The following FYTTD1 variants were observed in gnomAD, a reference collection of about 807,000 sequenced individuals.
The protein encoded by FYTTD1 is UAP56-interacting factor.
FYTTD1 carries 22 observed loss-of-function variants against 40.9 expected under a neutral mutation model. The ratio of observed to expected loss-of-function variants is 0.54; its 90% CI spans 0.38 to 0.77. The LOEUF (loss-of-function observed/expected upper bound fraction) is 0.77. FYTTD1 is among the 30% of genes least tolerant of loss of function. The probability of loss-of-function intolerance (pLI) is 0.00; values close to 1 mark genes in which losing one functional copy is unlikely to be tolerated. For synonymous variants in FYTTD1, 140 were observed against 137.9 expected, an observed-to-expected ratio of 1.01 and a Z score of -0.10; for missense variants, 351 against 392.2, an observed-to-expected ratio of 0.90 and a Z score of 0.89.
intron 4 of FYTTD1, among the ~76,000 whole-genome samples, chr3:197,771,112 T>TA (rs565693421): frequency 5.9e-4 from 90 of 152,274 alleles, no homozygotes; most frequent in African/African-American, 2.1e-3. Flanking sequence ...CCCAGCTACT[T>TA]ACGAGGCTGA....
At chr3:197,760,015 AGTGGTAGAATGTATGGAGTTGTTCTTCC>A (rs1729329925) in intron 2 of FYTTD1, among the ~76,000 whole-genome samples, 1 of 150,906 alleles carries the variant, frequency 6.6e-6, no homozygotes, top group Non-Finnish European at 1.5e-5. Flanking sequence ...GTTGTTCTTC[AGTGGTAGAATGTATGGAGTTGTTCTTCC>A]GTGGTAGAAC....
chr3:197,750,035 C>A lies in FYTTD1; in HGVS notation c.64C>A (p.Arg22Ser). 1 of 1,581,524 alleles carries A rather than the reference C, an allele frequency of 6.3e-7. No homozygotes were observed. Among genetic ancestry groups the A allele is most frequent in the Non-Finnish European group, 8.6e-7 (1 of 1,165,480 alleles). ...GACTTCTTCGCCGCCGCCGAAGGCC[C>A]GCAGCAATGAAAACCTCGACAAAAT... ...TATSSPPPKA[R>S]SNENLDKIDM... is the part of the protein sequence containing the mutation. Residue 22 changes from arginine (R) to serine (S), a missense_variant, in exon 1 of 9, where the codon CGC becomes AGC. By Grantham distance (110) the Arg-to-Ser change is moderately radical (BLOSUM62 -1). Transcript: ENST00000241502.
At chr3:197,774,737 C>G (rs563468060) in intron 6 of FYTTD1, among the ~76,000 whole-genome samples, 3,352 of 141,214 alleles carry the variant, frequency 0.024, 111 homozygotes, top group African/African-American at 0.084. Flanking sequence ...ATAGCTCGAT[C>G]GCCAGTGCAC....
At position 197,786,926 on chromosome 3, in the gene FYTTD1, G is replaced by A. The variant is rs1327915824; in HGVS notation, c.*5017G>A. On this transcript the variant is annotated 3_prime_UTR_variant, in exon 9 of 9. Transcript: ENST00000241502. The stretch of plus-strand genomic sequence containing the variant: ...CAATTCTTGTCCCTCAGCCTCGTAA[G>A]TAGGTGGGATTACAAGCTTGAGCCA... 6.6e-6 allele frequency: 1 copy of A among 151,674 alleles called. No homozygotes were observed. The highest frequency in any genetic ancestry group is 6.6e-5 in the Admixed American group (1 of 15,208). 9.4% of individuals were successfully genotyped at this position (151,674 alleles called of 1,614,324 possible). A position where few individuals can be genotyped will look rare whatever the true frequency, so the allele number is the denominator to read the frequency against.
chr3:197,749,663 T>C (rs1330796766), upstream of FYTTD1: 2 of 759,772 alleles, frequency 2.6e-6, no homozygotes, highest in Non-Finnish European at 4.2e-6. Flanking sequence ...GCCCGCGGTC[T>C]AGCATCCCCC....
intron 6 of FYTTD1, among the ~76,000 whole-genome samples, chr3:197,776,117 A>T (rs974718108): frequency 1.3e-5 from 2 of 152,200 alleles, no homozygotes; most frequent in African/African-American, 4.8e-5. Context: ...AAAGGCCTGG[A>T]AATAGTGATA....
chr3:197,752,557 A>G (rs1729092805), intron 1 of FYTTD1, among the ~76,000 whole-genome samples: 1 of 151,956 alleles, frequency 6.6e-6, no homozygotes, highest in Non-Finnish European at 1.5e-5. Flanking sequence ...CATACACTGT[A>G]TGTGTGTATG....
At position 197,781,916 on chromosome 3, in the gene FYTTD1, T is replaced by G. The variant is rs780490716; in HGVS notation, c.*7T>G. The G allele has an allele frequency of 6.4e-7, 1 of 1,553,464 alleles. No homozygotes were observed. Among genetic ancestry groups the G allele is most frequent in the East Asian group, 2.3e-5 (1 of 44,080 alleles). On this transcript the variant is annotated 3_prime_UTR_variant, in exon 9 of 9. Coordinates refer to ENST00000241502, the MANE Select transcript of FYTTD1 (RefSeq NM_032288.7). ...CTTTGTCACCGTGGGATAGGTCCCATGTCAAAGGAACTTTTGAGTGATGAC... is the reference window on the plus strand; with the variant it reads ...CTTTGTCACCGTGGGATAGGTCCCAGGTCAAAGGAACTTTTGAGTGATGAC...
At chr3:197,752,381 T>C (rs1315060667) in intron 1 of FYTTD1, among the ~76,000 whole-genome samples, 1 of 152,184 alleles carries the variant, frequency 6.6e-6, no homozygotes, top group African/African-American at 2.4e-5. Context: ...GCTGAAAACA[T>C]TAAATGAGTC....
intron 1 of FYTTD1, chr3:197,750,325 CA>C: frequency 8.7e-7 from 1 of 1,148,836 alleles, no homozygotes; most frequent in Non-Finnish European, 1.1e-6. Flanking sequence ...GAGGCGGGGG[CA>C]GGGGCGCTGC....
intron 1 of FYTTD1, among the ~76,000 whole-genome samples, chr3:197,754,242 A>G (rs6583254): frequency 0.89 from 135,594 of 152,190 alleles, 60,519 homozygotes; most frequent in East Asian, 1. Flanking sequence ...CTTTATGCTT[A>G]TTGAGATACA....
At position 197,749,938 on chromosome 3, in the gene FYTTD1, G is replaced by C. The variant is rs768281186; in HGVS notation, c.-34G>C. The C allele has an allele frequency of 9.6e-5, 141 of 1,471,610 alleles. No individual in the cohort carries two copies. The highest frequency in any genetic ancestry group is 1.5e-5 in the African/African-American group (1 of 68,652). The allele number at this position is 1,471,610 out of a possible 1,614,324, so 91.2% of individuals were successfully genotyped here. ...GTGGCAGGCCTGCGACTCCGGCCTTGTCCGCGCCCGCTCTCGGCGCGACGT... is the reference window on the plus strand; with the variant it reads ...GTGGCAGGCCTGCGACTCCGGCCTTCTCCGCGCCCGCTCTCGGCGCGACGT... On this transcript the variant is annotated 5_prime_UTR_variant, in exon 1 of 9. Coordinates refer to ENST00000241502, the MANE Select transcript of FYTTD1 (RefSeq NM_032288.7).
chr3:197,760,323 T>C (rs1729342536), intron 2 of FYTTD1, among the ~76,000 whole-genome samples: 1 of 152,054 alleles, frequency 6.6e-6, no homozygotes, highest in Non-Finnish European at 1.5e-5. Flanking sequence ...TCTTCAGTGG[T>C]AGAATGTATA....
At chr3:197,774,850 G>T (rs1729830737) in intron 6 of FYTTD1, among the ~76,000 whole-genome samples, 1 of 150,238 alleles carries the variant, frequency 6.7e-6, no homozygotes, top group African/African-American at 2.4e-5. Flanking sequence ...TCGATGGCCA[G>T]TGCACACCAG....
Position 197,766,673 on chromosome 3 carries a change from G to A in FYTTD1, c.236-1766G>A, listed in dbSNP as rs1172794423. ...GCCCAGGCTGGTCTCGAACTCCTGG[G>A]CTCAAGCAATCCATCCTTCTCAGTC... On this transcript the variant is annotated intron_variant, in intron 2 of 8. Coordinates refer to ENST00000241502, the MANE Select transcript of FYTTD1 (RefSeq NM_032288.7). 9.2e-5 allele frequency among the ~76,000 whole-genome samples: 14 copies of A among 151,950 alleles called. 1 individual carries two copies. The highest frequency in any genetic ancestry group is 9.2e-4 in the Admixed American group (14 of 15,238).
chr3:197,780,419 A>G (rs562033703), intron 8 of FYTTD1, among the ~76,000 whole-genome samples: 34 of 152,298 alleles, frequency 2.2e-4, no homozygotes, highest in African/African-American at 7.9e-4. Flanking sequence ...GCTTTGTTAC[A>G]AAGGCTAGGA....
At chr3:197,778,158 A>G (rs1011322386) in intron 7 of FYTTD1, among the ~76,000 whole-genome samples, 180 bp from the exon 8 acceptor site, 2 of 152,198 alleles carry the variant, frequency 1.3e-5, no homozygotes, top group Non-Finnish European at 2.9e-5. Context: ...ATTTAAAGAG[A>G]TATTCTCTGA....
chr3:197,751,030 G>C (rs73894338), intron 1 of FYTTD1, among the ~76,000 whole-genome samples: 9,591 of 152,256 alleles, frequency 0.063, 674 homozygotes, highest in African/African-American at 0.18. Context: ...GCTCTGCCAG[G>C]TGTTTGGCTG....
chr3:197,785,233 T>C lies in FYTTD1; in HGVS notation c.*3324T>C, dbSNP rs1366678474. ...TTCACCACAATTTTAATTACAGTCA[T>C]CCCTCAGTATACACGGAGGATTGGT... On this transcript the variant is annotated 3_prime_UTR_variant, in exon 9 of 9. Coordinates refer to ENST00000241502, the MANE Select transcript of FYTTD1 (RefSeq NM_032288.7). 2.0e-5 allele frequency: 3 copies of C among 152,236 alleles called. No homozygotes were observed. Among genetic ancestry groups the C allele is most frequent in the African/African-American group, 7.2e-5 (3 of 41,470 alleles). The allele number at this position is 152,236 out of a possible 1,614,324, so 9.4% of individuals were successfully genotyped here.
Sources: allele counts gnomAD v4.1 joint callset (sites outside exome capture counted in the v4.1 genomes callset), GRCh38; gene constraint gnomAD v4.1.1; transcripts MANE v1.5; gene names NCBI Gene and HGNC (gene_info 2026-07-23, HGNC 2026-07-21).